Variants in NCLN observed in about 807,000 individuals in gnomAD.
The protein encoded by NCLN is nicalin.
A neutral mutation model predicts 69.5 loss-of-function variants in NCLN; 34 were observed. That is an observed-to-expected ratio of 0.49 (90% CI 0.37 to 0.65). NCLN has a LOEUF of 0.65. NCLN is among the 30% of genes least tolerant of loss of function. The pLI, the probability that NCLN is intolerant of heterozygous loss-of-function variation, is 0.00. For missense variants in NCLN, 710 were observed against 804.8 expected, an observed-to-expected ratio of 0.88 and a Z score of 1.42; for synonymous variants, 393 against 358.3, an observed-to-expected ratio of 1.10 and a Z score of -1.09.
rs312071 is a variant in NCLN at position 3,208,420 on chromosome 19, T to C, written c.*732T>C. On this transcript the variant is annotated 3_prime_UTR_variant, in exon 15 of 15. Coordinates refer to ENST00000246117, the MANE Select transcript of NCLN (RefSeq NM_020170.4). ...TCCCCGACCCCCGACCCACTGCAAA[T>C]CCCCGTTCCCCTGCACTCCTCTTCT... 0.53 allele frequency: 80,582 copies of C among 151,836 alleles called. 22,085 individuals are homozygous for C. Among genetic ancestry groups the C allele is most frequent in the East Asian group, 0.88 (4,562 of 5,160 alleles). 9.4% of individuals were successfully genotyped at this position (151,836 alleles called of 1,614,324 possible).
At chr19:3,193,143 A>T in intron 2 of NCLN, 141 bp from the exon 3 acceptor site, 1 of 757,982 alleles carries the variant, frequency 1.3e-6, no homozygotes, top group South Asian at 1.8e-5. Context: ...CTCCAGGGAC[A>T]GTCACTGGGC....
Position 3,193,413 on chromosome 19 carries a change from G to A in NCLN, c.505G>A (p.Ala169Thr), listed in dbSNP as rs758662558. Residue 169 changes from alanine (A) to threonine (T), a missense_variant, in exon 3 of 15, where the codon GCC becomes ACC. Transcript: ENST00000246117. ...GGCTGCCTCCGCCTCCCAGGGCTCC[G>A]CCTCTGCTGCTGAAGGTGTGCTCTG... is the stretch of plus-strand genomic sequence containing the variant. ...TQAASASQGS[A>T]SAAEVLLRTA... 1.0e-5 allele frequency: 16 copies of A among 1,605,772 alleles called. No individual in the cohort carries two copies. Among genetic ancestry groups the A allele is most frequent in the Middle Eastern group, 1.7e-4 (1 of 6,038 alleles).
At chr19:3,202,529 C>T (rs1052053404) in intron 6 of NCLN, among the ~76,000 whole-genome samples, 1 of 152,218 alleles carries the variant, frequency 6.6e-6, no homozygotes, top group East Asian at 1.9e-4. Context: ...CACCTGCTCC[C>T]GAGATGGTAC....
chr19:3,206,282 G>A lies in NCLN; in HGVS notation c.1356G>A (p.Leu452=), dbSNP rs1413523700. ...TACAGCAGATCCAGCAGGAGCAGCT[G>A]GACTCGGTGATGGACTGGCTCACCA... ...TEQMQIQQEQ[L]DSVMDWLTNQ... Residue 452 remains leucine (L), a synonymous_variant, in exon 12 of 15, where the codon CTG becomes CTA. Transcript: ENST00000246117. 3.2e-6 allele frequency: 5 copies of A among 1,547,672 alleles called. No individual in the cohort carries two copies. The highest frequency in any genetic ancestry group is 4.4e-6 in the Non-Finnish European group (5 of 1,146,734).
At chr19:3,204,379 C>T (rs1916206119) in intron 8 of NCLN, among the ~76,000 whole-genome samples, 194 bp from the exon 9 acceptor site, 1 of 152,056 alleles carries the variant, frequency 6.6e-6, no homozygotes, top group African/African-American at 2.4e-5. Context: ...CCCAGAGTGT[C>T]CCCTTGTCCC....
chr19:3,207,731 C>T lies in NCLN; in HGVS notation c.*43C>T, dbSNP rs1484810001. 5 of 1,563,748 alleles carry T rather than the reference C, an allele frequency of 3.2e-6. No homozygotes were observed. Among genetic ancestry groups the T allele is most frequent in the African/African-American group, 1.4e-5 (1 of 73,860 alleles). On this transcript the variant is annotated 3_prime_UTR_variant, in exon 15 of 15. Coordinates refer to ENST00000246117, the MANE Select transcript of NCLN (RefSeq NM_020170.4). ...CCGGAGCCCCCGCCGCTCCACAGTC[C>T]CTGGGGCCGAGCACGAGTGAGTGGA...
At position 3,193,311 on chromosome 19, in the gene NCLN, C is replaced by G; in HGVS notation, c.403C>G (p.Leu135Val). The G allele has an allele frequency of 6.2e-7, 1 of 1,612,886 alleles. No homozygotes were observed. ...RQFMEIEPEM[L>V]AMETAVPVYF... ...ATTCATGGAGATCGAGCCGGAGATG[C>G]TGGCCATGGAGACCGCCGTCCCCGT... is the stretch of plus-strand genomic sequence containing the variant. The change falls in exon 3 of 15, where the codon CTG becomes GTG. Residue 135 changes from leucine (L) to valine (V), a missense_variant. Physicochemically the swap from Leu to Val is conservative, Grantham distance 32 (BLOSUM62 1). Coordinates refer to ENST00000246117, the MANE Select transcript of NCLN (RefSeq NM_020170.4).
intron 6 of NCLN, among the ~76,000 whole-genome samples, chr19:3,201,878 T>TA (rs1916134740): frequency 6.6e-6 from 1 of 152,056 alleles, no homozygotes; most frequent in Admixed American, 6.5e-5. Context: ...CTGCAAGTGT[T>TA]AGAGACGCCC....
chr19:3,205,295 G>T lies in NCLN; in HGVS notation c.1208+544G>T, dbSNP rs1034358305. 6.6e-6 allele frequency among the ~76,000 whole-genome samples: 1 copy of T among 152,206 alleles called. No homozygotes were observed. The highest frequency in any genetic ancestry group is 2.4e-5 in the African/African-American group (1 of 41,448). On this transcript the variant is annotated intron_variant, in intron 9 of 14. Coordinates refer to ENST00000246117, the MANE Select transcript of NCLN (RefSeq NM_020170.4). This position sits in a 1 kb window ranked among gnomAD's most constrained non-coding sequence, Gnocchi z 4.6. ...CTCCTGGCCAGTCCTGGCACCAGCA[G>T]GTGGGCGCCGTCTCCTCCCCCAGCG...
At chr19:3,194,087 GGCCCA>G (rs1915898942) in intron 3 of NCLN, among the ~76,000 whole-genome samples, 1 of 152,236 alleles carries the variant, frequency 6.6e-6, no homozygotes, top group Non-Finnish European at 1.5e-5. Flanking sequence ...GGTGTGTCCT[GGCCCA>G]GCCCCAACAA....
intron 1 of NCLN, among the ~76,000 whole-genome samples, 193 bp downstream of exon 1, chr19:3,186,407 A>G (rs1236235633): frequency 1.3e-5 from 2 of 151,764 alleles, no homozygotes; most frequent in African/African-American, 2.4e-5. Context: ...CCTAGCGCCC[A>G]GGGACCCCCC....
chr19:3,186,943 C>A (rs894223328), intron 1 of NCLN, among the ~76,000 whole-genome samples: 1 of 152,124 alleles, frequency 6.6e-6, no homozygotes, highest in Non-Finnish European at 1.5e-5. Flanking sequence ...GCTCTCTGGT[C>A]CCAGTTCGTG....
At chr19:3,199,055 G>C (rs1452661112) in intron 5 of NCLN, among the ~76,000 whole-genome samples, 158 bp downstream of exon 5, 1 of 152,216 alleles carries the variant, frequency 6.6e-6, no homozygotes, top group East Asian at 1.9e-4. Flanking sequence ...GAGGGCCTCA[G>C]GGTGGGTGTC....
Position 3,206,005 on chromosome 19 carries a change from C to T in NCLN, c.1275C>T (p.Val425=). The T allele has an allele frequency of 1.9e-6, 3 of 1,613,568 alleles. No homozygotes were observed. Among genetic ancestry groups the T allele is most frequent in the Admixed American group, 1.7e-5 (1 of 60,026 alleles). ...TRIIAEALTR[V]IYNLTEKGTP... ...TCATTGCAGAGGCCCTGACTCGAGT[C>T]ATCTACAACCTGACAGAGAAGGTGA... Residue 425 remains valine (V), a synonymous_variant, in exon 10 of 15, where the codon GTC becomes GTT. Coordinates refer to ENST00000246117, the MANE Select transcript of NCLN (RefSeq NM_020170.4).
chr19:3,186,282 C>T, intron 1 of NCLN, 68 bp downstream of exon 1: 4 of 1,378,916 alleles, frequency 2.9e-6, no homozygotes, highest in Non-Finnish European at 2.8e-6. Context: ...GCCCGGCGAT[C>T]CCCAGGCCGA....
In NCLN at chr19:3,186,082, C is replaced by T; in HGVS notation, c.52C>T (p.Leu18=). 3 of 1,599,722 alleles carry T rather than the reference C, an allele frequency of 1.9e-6. No individual in the cohort carries two copies. The highest frequency in any genetic ancestry group is 2.6e-6 in the Non-Finnish European group (3 of 1,175,014). The change falls in exon 1 of 15, where the codon CTG becomes TTG. Residue 18 remains leucine (L), a synonymous_variant. Coordinates refer to ENST00000246117, the MANE Select transcript of NCLN (RefSeq NM_020170.4). ...GGAGAACATGCTGAAGGCGTCTTGT[C>T]TGCCGCTCGGCTTCATCGTCTTCCT... ...VLENMLKASC[L]PLGFIVFLPA...
chr19:3,203,878 G>A (rs757584296), intron 7 of NCLN, 34 bp downstream of exon 7: 3 of 1,603,934 alleles, frequency 1.9e-6, no homozygotes, highest in East Asian at 2.2e-5. Context: ...GGGGTGCCGC[G>A]GTGGTGGTGC....
In NCLN at chr19:3,204,444, CG is replaced by C. The variant is rs1916208082; in HGVS notation, c.1030-124del. The C allele has an allele frequency of 7.5e-6, 8 of 1,068,874 alleles. No individual in the cohort carries two copies. In the South Asian group the frequency reaches 9.0e-5, roughly 12 times the overall value. The allele number at this position is 1,068,874 out of a possible 1,614,324, so 66.2% of individuals were successfully genotyped here. On this transcript the variant is annotated intron_variant, in intron 8 of 14. Coordinates refer to ENST00000246117, the MANE Select transcript of NCLN (RefSeq NM_020170.4). ...GCTCCAGCAGGCCTTAGGGGGACCC[CG>C]GGGGCAGGTGGATTTCTCCTCATTT...
chr19:3,191,423 C>T (rs559696525), intron 1 of NCLN, among the ~76,000 whole-genome samples: 2 of 152,316 alleles, frequency 1.3e-5, no homozygotes, highest in Non-Finnish European at 2.9e-5. Context: ...CCGCCTCGCC[C>T]CAGAGACACC....
Sources: gnomAD v4.1 joint callset for allele counts (sites outside exome capture counted in the v4.1 genomes callset) on GRCh38, gnomAD v4.1.1 for gene constraint, Gnocchi (gnomAD v3.1) non-coding constraint, MANE v1.5 for transcripts, NCBI Gene and HGNC (gene_info 2026-07-23, HGNC 2026-07-21) for gene names.